HS6ST3: variants seen among roughly 807,000 people sequenced by gnomAD.
The protein encoded by HS6ST3 is heparan-sulfate 6-O-sulfotransferase 3.
HS6ST3 carries 12 observed loss-of-function variants against 36.7 expected under a neutral mutation model. The ratio of observed to expected loss-of-function variants is 0.33; its 90% CI spans 0.21 to 0.53. The LOEUF (loss-of-function observed/expected upper bound fraction) is 0.53, where lower values mean the gene tolerates loss of function less well. Among genes scored for constraint, HS6ST3 ranks in the 20% least tolerant of loss-of-function variants. The probability of loss-of-function intolerance (pLI) is 0.95; values close to 1 mark genes in which losing one functional copy is unlikely to be tolerated. For missense variants in HS6ST3, 584 were observed against 640.9 expected (o/e 0.91, Z 0.96); for synonymous variants, 240 against 257.5 (o/e 0.93, Z 0.65).
chr13:96,160,854 C>A (rs1420484145), intron 1 of HS6ST3, among the ~76,000 whole-genome samples: 7 of 152,128 alleles, frequency 4.6e-5, no homozygotes. Context: ...TGCAATAGAA[C>A]CCACAGGGCT....
chr13:96,329,168 T>C (rs1245907351), intron 1 of HS6ST3, among the ~76,000 whole-genome samples: 4 of 147,318 alleles, frequency 2.7e-5, no homozygotes, highest in African/African-American at 1.0e-4. Flanking sequence ...GCGTTTTTTG[T>C]GTCTCTATTT....
At chr13:96,777,615 G>A (rs1489576164) in intron 1 of HS6ST3, among the ~76,000 whole-genome samples, 7 of 151,992 alleles carry the variant, frequency 4.6e-5, no homozygotes, top group South Asian at 4.2e-4. Flanking sequence ...TACAACTTAC[G>A]GGGATGTGAA....
chr13:96,719,381 G>A (rs1057500923), intron 1 of HS6ST3, among the ~76,000 whole-genome samples: 2 of 151,958 alleles, frequency 1.3e-5, no homozygotes, highest in African/African-American at 4.8e-5. Flanking sequence ...AAGAGAGCCT[G>A]TTTGATTTCA....
At chr13:96,172,179 T>C (rs1361937520) in intron 1 of HS6ST3, among the ~76,000 whole-genome samples, 1 of 152,220 alleles carries the variant, frequency 6.6e-6, no homozygotes, top group Non-Finnish European at 1.5e-5. Flanking sequence ...AACTTTGAAA[T>C]CATATTGGAC....
chr13:96,739,622 A>G (rs949681093), intron 1 of HS6ST3, among the ~76,000 whole-genome samples: 12 of 152,146 alleles, frequency 7.9e-5, no homozygotes, highest in Non-Finnish European at 1.2e-4. Context: ...CTGCCTGTCC[A>G]GTACATCCAG....
At chr13:96,743,858 T>C (rs1250097668) in intron 1 of HS6ST3, among the ~76,000 whole-genome samples, 1 of 152,086 alleles carries the variant, frequency 6.6e-6, no homozygotes. Flanking sequence ...CTATGATTTA[T>C]TGGAGCATGG....
At chr13:96,650,472 A>C (rs2056603587) in intron 1 of HS6ST3, among the ~76,000 whole-genome samples, 1 of 151,996 alleles carries the variant, frequency 6.6e-6, no homozygotes, top group Non-Finnish European at 1.5e-5. Context: ...GGACTCAAGG[A>C]ATAAGGTACA....
intron 1 of HS6ST3, among the ~76,000 whole-genome samples, chr13:96,371,278 C>T (rs940272919): frequency 1.3e-5 from 2 of 152,068 alleles, no homozygotes; most frequent in Non-Finnish European, 2.9e-5. Flanking sequence ...TTTGCATTTA[C>T]CTGATTACTA....
chr13:96,531,810 G>A (rs1193918332), intron 1 of HS6ST3, among the ~76,000 whole-genome samples: 1 of 152,210 alleles, frequency 6.6e-6, no homozygotes, highest in Admixed American at 6.5e-5. Context: ...AGTCATCACT[G>A]TTGGGGCAAC....
chr13:96,240,492 A>G (rs1255629596), intron 1 of HS6ST3, among the ~76,000 whole-genome samples: 1 of 152,142 alleles, frequency 6.6e-6, no homozygotes, highest in African/African-American at 2.4e-5. Context: ...TAAGTTAGGG[A>G]TGAGGGAAGT....
rs189739477 is a variant in HS6ST3 at position 96,536,121 on chromosome 13, G to C, written c.708-296369G>C. 4.0e-4 allele frequency among the ~76,000 whole-genome samples: 61 copies of C among 152,216 alleles called. No individual in the cohort carries two copies. In the East Asian group the frequency reaches 9.8e-3, roughly 25 times the overall value. ...GTACCCCCATGCTTAAATTTTCAAC[G>C]TGAAGCATTCAAAGGGAGTTTGGAC... On this transcript the variant is annotated intron_variant, in intron 1 of 1. Coordinates refer to ENST00000376705, the MANE Select transcript of HS6ST3 (RefSeq NM_153456.4).
At chr13:96,275,495 G>T (rs1328869007) in intron 1 of HS6ST3, among the ~76,000 whole-genome samples, 2 of 152,076 alleles carry the variant, frequency 1.3e-5, no homozygotes, top group East Asian at 1.9e-4. Flanking sequence ...CATTTTCAGA[G>T]AATTTCCATG....
intron 1 of HS6ST3, among the ~76,000 whole-genome samples, chr13:96,176,936 A>G (rs111405448): frequency 2.8e-4 from 43 of 152,322 alleles, no homozygotes; most frequent in Non-Finnish European, 5.4e-4. Flanking sequence ...AGAAAAACAA[A>G]CAACCCTGTT....
intron 1 of HS6ST3, among the ~76,000 whole-genome samples, chr13:96,570,835 A>G (rs1377574222): frequency 1.3e-5 from 2 of 152,188 alleles, no homozygotes; most frequent in African/African-American, 4.8e-5. Context: ...GGTAAGTACT[A>G]TAGTAATGGT....
intron 1 of HS6ST3, among the ~76,000 whole-genome samples, chr13:96,183,161 G>C (rs558708694): frequency 2.0e-5 from 3 of 152,242 alleles, no homozygotes; most frequent in African/African-American, 7.2e-5. Flanking sequence ...GAAAATATAA[G>C]CTTGGAAATT....
At chr13:96,112,987 T>A (rs958106610) in intron 1 of HS6ST3, among the ~76,000 whole-genome samples, 31 of 152,038 alleles carry the variant, frequency 2.0e-4, no homozygotes, top group African/African-American at 7.5e-4. Flanking sequence ...GCAGATGTAG[T>A]GAATTCCAAC....
intron 1 of HS6ST3, among the ~76,000 whole-genome samples, chr13:96,183,616 C>T (rs114034124): frequency 1.3e-5 from 2 of 152,138 alleles, no homozygotes; most frequent in African/African-American, 2.4e-5. Context: ...AAGTTCTTAC[C>T]TGTGCTACAG....
At chr13:96,146,070 T>C (rs1319700210) in intron 1 of HS6ST3, among the ~76,000 whole-genome samples, 1 of 152,222 alleles carries the variant, frequency 6.6e-6, no homozygotes, top group South Asian at 2.1e-4. Context: ...TGTAGTATAG[T>C]TTGAAGTCAG....
intron 1 of HS6ST3, among the ~76,000 whole-genome samples, chr13:96,442,789 A>G (rs2055679292): frequency 6.6e-6 from 1 of 151,800 alleles, no homozygotes; most frequent in Non-Finnish European, 1.5e-5. Context: ...AAAAAAAAAA[A>G]AAAAAGTCTG....
Sources: allele counts gnomAD v4.1 joint callset (sites outside exome capture counted in the v4.1 genomes callset), GRCh38; gene constraint gnomAD v4.1.1; transcripts MANE v1.5; gene names NCBI Gene and HGNC (gene_info 2026-07-23, HGNC 2026-07-21).